PASK: variants seen among roughly 807,000 people sequenced by gnomAD.
PASK encodes PAS domain containing serine/threonine kinase.
PASK carries 110 observed loss-of-function variants against 121.0 expected under a neutral mutation model. The ratio of observed to expected loss-of-function variants is 0.91; its 90% CI spans 0.78 to 1.06. PASK has a LOEUF of 1.06. Ranked by LOEUF, PASK falls within the 50% of genes least tolerant of loss-of-function variation. The probability of loss-of-function intolerance (pLI) is 0.00; values close to 1 mark genes in which losing one functional copy is unlikely to be tolerated. For synonymous variants in PASK, 686 were observed against 717.8 expected (o/e 0.96, Z 0.71); for missense variants, 1,643 against 1,702.3 (o/e 0.97, Z 0.61).
chr2:241,119,468 CTTTTTTT>C lies in PASK; in HGVS notation c.3072+3257_3072+3263del, dbSNP rs36113805. 3.7e-5 allele frequency among the ~76,000 whole-genome samples: 5 copies of C among 134,256 alleles called. No homozygotes were observed. In the East Asian group the frequency reaches 1.1e-3, roughly 30 times the overall value. 88.1% of individuals were successfully genotyped at this position (134,256 alleles called of 152,430 possible). A position where few individuals can be genotyped will look rare whatever the true frequency, so the allele number is the denominator to read the frequency against. ...CTTCATGTCAGTAAGCAAGATGCTT[CTTTTTTT>C]TTTTTTTTTTGGAGACAAGAGTCTT... is the stretch of plus-strand genomic sequence containing the variant. On this transcript the variant is annotated intron_variant, in intron 12 of 17. Coordinates refer to ENST00000234040, the MANE Select transcript of PASK (RefSeq NM_015148.4).
chr2:241,142,364 C>A (rs1022269244), intron 2 of PASK, among the ~76,000 whole-genome samples: 21 of 152,178 alleles, frequency 1.4e-4, no homozygotes, highest in African/African-American at 5.1e-4. Flanking sequence ...ATGGCCCAGT[C>A]CTTTGGGGTG....
Position 241,135,898 on chromosome 2 carries a change from C to T in PASK, c.1279G>A (p.Gly427Ser). ...CGERTLDPWQ[G>S]QDPAEGGQDP... ...TGGCCCCCCTCAGCTGGGTCCTGGC[C>T]CTGCCACGGGTCCAAGGTTCTCTCC... Residue 427 changes from glycine to serine, a missense_variant, in exon 8 of 18, where the codon GGC becomes AGC. Physicochemically the swap from Gly to Ser is moderately conservative, Grantham distance 56 (BLOSUM62 0). Coordinates refer to ENST00000234040, the MANE Select transcript of PASK (RefSeq NM_015148.4). The T allele has an allele frequency of 6.2e-7, 1 of 1,614,182 alleles. No homozygotes were observed.
Position 241,140,721 on chromosome 2 carries a change from G to A in PASK, c.229C>T (p.Leu77=). ...CTTGTACAAATATTCTGGGCAGCCA[G>A]TGATGATAGACAATAGGAGCTCCAT... is the stretch of plus-strand genomic sequence containing the variant. ...DRWSSYCLSS[L]AAQNICTSKL... is the part of the protein sequence containing the mutation. The change falls in exon 3 of 18, where the codon CTG becomes TTG. Residue 77 remains leucine, a synonymous_variant. Coordinates refer to ENST00000234040, the MANE Select transcript of PASK (RefSeq NM_015148.4). 6.2e-7 allele frequency: 1 copy of A among 1,613,678 alleles called. No homozygotes were observed. Among genetic ancestry groups the A allele is most frequent in the South Asian group, 1.1e-5 (1 of 91,074 alleles).
rs766000502 is a variant in PASK, at chr2:241,126,765, G to C, written c.2150C>G (p.Ala717Gly). ...GCCCCCAGGGAGGTCCGTGGCCAAG[G>C]CATAGCAGGCTGAGGAGCTGCCCGT... ...GCTGSSSACY[A>G]LATDLPGGLE... Residue 717 changes from alanine (A) to glycine (G), a missense_variant, in exon 10 of 18, where the codon GCC becomes GGC. Physicochemically the swap from Ala to Gly is moderately conservative, Grantham distance 60 (BLOSUM62 0). Coordinates refer to ENST00000234040, the MANE Select transcript of PASK (RefSeq NM_015148.4). The C allele has an allele frequency of 3.7e-6, 6 of 1,614,036 alleles. No homozygotes were observed. In the East Asian group the frequency reaches 1.3e-4, roughly 36 times the overall value.
chr2:241,134,666 C>T (rs541077948), intron 8 of PASK: 1 of 152,430 alleles, frequency 6.6e-6, no homozygotes, highest in East Asian at 1.9e-4. Flanking sequence ...TGCAGGACAA[C>T]CTCGCAAGCC....
intron 9 of PASK, among the ~76,000 whole-genome samples, chr2:241,129,359 C>T (rs566887783): frequency 1.3e-5 from 2 of 152,258 alleles, no homozygotes; most frequent in Non-Finnish European, 1.5e-5. Flanking sequence ...TCCATCAAAA[C>T]CCTTGGGCCA....
chr2:241,113,853 C>T, intron 14 of PASK: 2 of 985,450 alleles, frequency 2.0e-6, no homozygotes, highest in South Asian at 4.7e-5. Flanking sequence ...CTGGAGCTGA[C>T]AGGCAATGCC....
At chr2:241,137,798 G>A (rs2125448088) in intron 6 of PASK, among the ~76,000 whole-genome samples, 155 bp downstream of exon 6, 1 of 152,322 alleles carries the variant, frequency 6.6e-6, no homozygotes, top group Admixed American at 6.5e-5. Context: ...TCCGGCCCTT[G>A]GTCAAGGCCT....
chr2:241,149,660 C>T (rs892334584), upstream of PASK: 5 of 1,543,522 alleles, frequency 3.2e-6, no homozygotes, highest in African/African-American at 5.5e-5. Flanking sequence ...GGCGCCTCCG[C>T]CCCCGGGCCG....
At position 241,131,669 on chromosome 2, in the gene PASK, G is replaced by A. The variant is rs539120979; in HGVS notation, c.1463+1205C>T. Among the ~76,000 whole-genome samples, 44 of 152,278 alleles carry A rather than the reference G, an allele frequency of 2.9e-4. 1 individual carries two copies. The South Asian group carries it at 8.7e-3, about 30-fold the overall frequency. On this transcript the variant is annotated intron_variant, in intron 9 of 17. Coordinates refer to ENST00000234040, the MANE Select transcript of PASK (RefSeq NM_015148.4). ...AGCAGGGTGTAGGGGGCACAGTGCA[G>A]GAAGGGACCCAGGGTCTGCAGGCAG... is the stretch of plus-strand genomic sequence containing the variant.
In PASK at chr2:241,108,350, G is replaced by C. The variant is rs1448090602; in HGVS notation, c.3534-50C>G. The C allele has an allele frequency of 1.1e-5, 18 of 1,601,582 alleles. No individual in the cohort carries two copies. The highest frequency in any genetic ancestry group is 1.5e-5 in the Non-Finnish European group (18 of 1,172,868). On this transcript the variant is annotated intron_variant, in intron 15 of 17. Coordinates refer to ENST00000234040, the MANE Select transcript of PASK (RefSeq NM_015148.4). This position sits in a 1 kb window ranked among gnomAD's most constrained non-coding sequence, Gnocchi z 5.2. Reference sequence around the variant, plus strand: ...ACGCCACGGCACTCAGCGCAGGCTTGCCAAGCCCGCCCATGGGAAGCACCA... The same window carrying C: ...ACGCCACGGCACTCAGCGCAGGCTTCCCAAGCCCGCCCATGGGAAGCACCA...
intron 1 of PASK, among the ~76,000 whole-genome samples, chr2:241,147,010 T>C (rs770227218): frequency 5.3e-5 from 8 of 152,146 alleles, no homozygotes; most frequent in Non-Finnish European, 8.8e-5. Flanking sequence ...CTATTACATA[T>C]AGGGTTTGGG....
intron 8 of PASK, chr2:241,133,389 C>T (rs542973623): frequency 1.1e-5 from 4 of 370,850 alleles, no homozygotes; most frequent in African/African-American, 6.3e-5. Flanking sequence ...CTCCACCTGG[C>T]CTCCCTGCCA....
At chr2:241,115,870 A>G (rs1178036725) in intron 12 of PASK, among the ~76,000 whole-genome samples, 293 of 119,166 alleles carry the variant, frequency 2.5e-3, no homozygotes, top group Middle Eastern at 0.01. Flanking sequence ...CCGGTCCCCA[A>G]GCATCCCGTT....
chr2:241,115,406 A>T lies in PASK; in HGVS notation c.3080T>A (p.Val1027Glu). 1 of 1,613,704 alleles carries T rather than the reference A, an allele frequency of 6.2e-7. No individual in the cohort carries two copies. The highest frequency in any genetic ancestry group is 8.5e-7 in the Non-Finnish European group (1 of 1,179,754). Residue 1027 changes from valine (V) to glutamate (E), a missense_variant, in exon 13 of 18, where the codon GTG becomes GAG. Physicochemically the swap from Val to Glu is moderately radical, Grantham distance 121. Around this residue, in one of 3 missense-constraint regions of PASK, gnomAD observed 453 missense variants for 511.2 expected, o/e 0.89. Transcript: ENST00000234040. ...GACCTTCTCCTTCTTAATAAACTTC[A>T]CCACCACCTGTGAGGAAGACAGAGC... ...VDKEKNKEVV[V>E]KFIKKEKVLE...
chr2:241,136,575 A>G (rs891316193), intron 7 of PASK, among the ~76,000 whole-genome samples: 8 of 152,220 alleles, frequency 5.3e-5, no homozygotes, highest in African/African-American at 1.9e-4. Context: ...AAATCCCTGC[A>G]AGGTCTCAAT....
At chr2:241,143,772 A>C (rs2066822416) in intron 1 of PASK, among the ~76,000 whole-genome samples, 1 of 152,176 alleles carries the variant, frequency 6.6e-6, no homozygotes, top group African/African-American at 2.4e-5. Context: ...GCTTTCCCCT[A>C]AACAGTGAGT....
Position 241,127,435 on chromosome 2 carries a change from C to A in PASK, c.1480G>T (p.Glu494Ter). 6.2e-7 allele frequency: 1 copy of A among 1,614,040 alleles called. No individual in the cohort carries two copies. The highest frequency in any genetic ancestry group is 2.2e-5 in the East Asian group (1 of 44,884). Residue 494 changes from glutamate (E) to a stop codon, truncating the protein, a stop_gained, in exon 10 of 18, where the codon GAA (glutamate) becomes TAA (stop). Coordinates refer to ENST00000234040, the MANE Select transcript of PASK (RefSeq NM_015148.4). LOFTEE classifies it high-confidence loss of function. ...QPAPGVDNVP[E>*]GSLPVHGEQA... Reference sequence around the variant, plus strand: ...TCACCGTGCACTGGCAGGCTTCCTTCTGGGACATTGTCCACCCTGGGGATA... The same window carrying A: ...TCACCGTGCACTGGCAGGCTTCCTTATGGGACATTGTCCACCCTGGGGATA...
At chr2:241,136,380 GGT>G (rs1425823732) in intron 7 of PASK, among the ~76,000 whole-genome samples, 1 of 152,210 alleles carries the variant, frequency 6.6e-6, no homozygotes, top group Non-Finnish European at 1.5e-5. Context: ...GCGGCTCACT[GGT>G]GGCCGGAACA....
Sources: allele counts gnomAD v4.1 joint callset (sites outside exome capture counted in the v4.1 genomes callset), GRCh38; gene constraint gnomAD v4.1.1; regional missense constraint gnomAD v4.1.1; non-coding constraint Gnocchi (gnomAD v3.1); transcripts MANE v1.5; gene names NCBI Gene and HGNC (gene_info 2026-07-23, HGNC 2026-07-21).